The following NPC1L1 variants were observed in gnomAD, a reference collection of about 807,000 sequenced individuals.
NPC1L1 encodes the protein NPC1-like intracellular cholesterol transporter 1.
A neutral mutation model predicts 117.0 loss-of-function variants in NPC1L1; 98 were observed. The ratio of observed to expected loss-of-function variants is 0.84; its 90% confidence interval spans 0.71 to 0.99. The LOEUF (loss-of-function observed/expected upper bound fraction) is 0.99, where lower values mean the gene tolerates loss of function less well. NPC1L1 is among the 50% of genes least tolerant of loss of function. The pLI, the probability that NPC1L1 is intolerant of heterozygous loss-of-function variation, is 0.00. For synonymous variants in NPC1L1, 729 were observed against 727.6 expected (o/e 1.00, Z -0.03); for missense variants, 1,540 against 1,710.0 (o/e 0.90, Z 1.75).
chr7:44,532,322 A>G (rs1462382091), intron 8 of NPC1L1, 105 bp from the exon 9 acceptor site: 1 of 1,369,794 alleles, frequency 7.3e-7, no homozygotes, highest in Non-Finnish European at 1.0e-6. Flanking sequence ...GGCCCGTGCC[A>G]GTGCCCTCAT....
chr7:44,539,821 A>G lies in NPC1L1; in HGVS notation c.576T>C (p.Tyr192=), dbSNP rs1357832364. Residue 192 remains tyrosine, a synonymous_variant, in exon 2 of 19, where the codon TAT becomes TAC. Transcript: ENST00000381160. The surrounding 1 kb of genome is among the most constrained non-coding windows in gnomAD (Gnocchi z 4.4). ...TLAVGTMCGV[Y]GSALCNAQRW... is the part of the protein sequence containing the mutation. ...GCTGGGCATTGCAAAGGGCAGAGCC[A>G]TACACGCCACACATGGTGCCCACAG... 2.5e-6 allele frequency: 4 copies of G among 1,614,136 alleles called. No individual in the cohort carries two copies. Among genetic ancestry groups the G allele is most frequent in the Non-Finnish European group, 3.4e-6 (4 of 1,180,034 alleles).
chr7:44,516,010 G>A, intron 17 of NPC1L1, 45 bp from the exon 18 acceptor site: 1 of 1,611,072 alleles, frequency 6.2e-7, no homozygotes, highest in South Asian at 1.1e-5. Context: ...CAGGGCATCA[G>A]GCAGGGCACA....
chr7:44,522,746 C>A (rs1451860620), intron 10 of NPC1L1, among the ~76,000 whole-genome samples: 1 of 152,122 alleles, frequency 6.6e-6, no homozygotes, highest in Non-Finnish European at 1.5e-5. Flanking sequence ...CAGAGCAACA[C>A]CTATCACCTC....
chr7:44,539,246 G>A lies in NPC1L1; in HGVS notation c.1151C>T (p.Ser384Leu), dbSNP rs201432207. The A allele has an allele frequency of 3.2e-5, 51 of 1,614,030 alleles. No individual in the cohort carries two copies. Among genetic ancestry groups the A allele is most frequent in the East Asian group, 1.3e-4 (6 of 44,872 alleles). ...ACTCCGGGCTTGGCTGTTGGGGGCC[G>A]ACCACAGCTCCACGGGGTCCGTAGT... ...ELTTDPVELW[S>L]APNSQARSEK... The change falls in exon 2 of 19, where the codon TCG (serine) becomes TTG (leucine). Residue 384 changes from serine (S) to leucine (L), a missense_variant. This residue lies in a region of NPC1L1 where 793 missense variants were observed against 820.4 expected (regional missense o/e 0.97). Transcript: ENST00000381160. This position sits in a 1 kb window ranked among gnomAD's most constrained non-coding sequence, Gnocchi z 4.4.
At chr7:44,537,027 AC>A in intron 2 of NPC1L1, 85 bp from the exon 3 acceptor site, 1 of 1,078,960 alleles carries the variant, frequency 9.3e-7, no homozygotes, top group Non-Finnish European at 1.4e-6. Context: ...CCCACCCCAG[AC>A]CCACAGCACT....
intron 12 of NPC1L1, 136 bp from the exon 13 acceptor site, chr7:44,521,254 A>G (rs1447882889): frequency 3.4e-6 from 4 of 1,181,700 alleles, no homozygotes; most frequent in Non-Finnish European, 4.9e-6. Flanking sequence ...GGGGATTTGC[A>G]TTTGTCATTT....
In NPC1L1 at chr7:44,533,864, A is replaced by ACAG. The variant is rs1801780850; in HGVS notation, c.2167-14_2167-12dup. The ACAG allele has an allele frequency of 6.2e-7, 1 of 1,604,770 alleles. No homozygotes were observed. Among genetic ancestry groups the ACAG allele is most frequent in the Non-Finnish European group, 8.5e-7 (1 of 1,175,606 alleles). On this transcript the variant is annotated splice_polypyrimidine_tract_variant and intron_variant, in intron 6 of 18. Transcript: ENST00000381160. Reference sequence around the variant, plus strand: ...CCTCCGGGGCAGCCTCTGTGTGGGAACAGCAGGGATAAGAGCCAGGGCCCT... The same window carrying ACAG: ...CCTCCGGGGCAGCCTCTGTGTGGGAACAGCAGCAGGGATAAGAGCCAGGGCCCT...
intron 8 of NPC1L1, 92 bp downstream of exon 8, chr7:44,533,339 G>A: frequency 6.6e-7 from 1 of 1,514,028 alleles, no homozygotes; most frequent in African/African-American, 1.4e-5. Context: ...CCCATTCTCT[G>A]GGCCATCTCT....
chr7:44,526,997 C>T (rs1355683130), intron 10 of NPC1L1, among the ~76,000 whole-genome samples: 1 of 151,924 alleles, frequency 6.6e-6, no homozygotes, highest in African/African-American at 2.4e-5. Context: ...GTACTCCAGC[C>T]TGGGCGACAA....
intron 10 of NPC1L1, 87 bp from the exon 11 acceptor site, chr7:44,522,329 A>C (rs1195433291): frequency 7.9e-7 from 1 of 1,267,542 alleles, no homozygotes; most frequent in Non-Finnish European, 1.1e-6. Context: ...GAAGGTACAC[A>C]CAGAGGTACA....
intron 5 of NPC1L1, among the ~76,000 whole-genome samples, chr7:44,535,083 C>CA (rs1209671551): frequency 3.3e-5 from 5 of 151,350 alleles, no homozygotes; most frequent in Non-Finnish European, 5.9e-5. Context: ...AACTACAAAA[C>CA]AAAAAAAATG....
At chr7:44,519,176 G>A (rs1441482351) in intron 14 of NPC1L1, among the ~76,000 whole-genome samples, 1 of 152,212 alleles carries the variant, frequency 6.6e-6, no homozygotes, top group South Asian at 2.1e-4. Flanking sequence ...TTATAGGCGT[G>A]AGCTGCAGCA....
intron 1 of NPC1L1, 50 bp downstream of exon 1, chr7:44,541,156 G>T (rs776025493): frequency 6.5e-7 from 1 of 1,537,406 alleles, no homozygotes; most frequent in Non-Finnish European, 8.8e-7. Context: ...TGGCCCCAGG[G>T]TCCCTAACTG....
Position 44,538,267 on chromosome 7 carries a change from G to A in NPC1L1, c.1580+550C>T, listed in dbSNP as rs1801960769. 6.6e-6 allele frequency among the ~76,000 whole-genome samples: 1 copy of A among 152,200 alleles called. No homozygotes were observed. The highest frequency in any genetic ancestry group is 2.1e-4 in the South Asian group (1 of 4,836). On this transcript the variant is annotated intron_variant, in intron 2 of 18. Coordinates refer to ENST00000381160, the MANE Select transcript of NPC1L1 (RefSeq NM_001101648.2). The surrounding 1 kb of genome is among the most constrained non-coding windows in gnomAD (Gnocchi z 5.9). ...CATCTTGTTGGCAGCACACCAGAGT[G>A]GACAGAACCAAAGACCGAACCCCAA...
At chr7:44,529,214 G>A (rs1253163952) in intron 10 of NPC1L1, among the ~76,000 whole-genome samples, 1 of 148,942 alleles carries the variant, frequency 6.7e-6, no homozygotes, top group Non-Finnish European at 1.5e-5. Flanking sequence ...GCCCCCATCT[G>A]CTAAAAAACA....
chr7:44,531,118 C>A (rs7798185), intron 10 of NPC1L1, among the ~76,000 whole-genome samples: 18,950 of 152,234 alleles, frequency 0.12, 1,562 homozygotes, highest in Non-Finnish European at 0.18. Context: ...GGCCACCAGC[C>A]CATGGCCACC....
chr7:44,534,397 T>G lies in NPC1L1; in HGVS notation c.2166+50A>C, dbSNP rs375238755. ...AGTCCCATCAGGCCAGGAGGTGAGGTTGGGAGAAGAGTGGGCAGTTGGGGG... is the reference window on the plus strand; with the variant it reads ...AGTCCCATCAGGCCAGGAGGTGAGGGTGGGAGAAGAGTGGGCAGTTGGGGG... On this transcript the variant is annotated intron_variant, in intron 6 of 18. Transcript: ENST00000381160. The surrounding 1 kb of genome is among the most constrained non-coding windows in gnomAD (Gnocchi z 5.2). The G allele has an allele frequency of 6.3e-7, 1 of 1,589,470 alleles. No homozygotes were observed. The highest frequency in any genetic ancestry group is 8.6e-7 in the Non-Finnish European group (1 of 1,157,872).
rs375885057 is a variant in NPC1L1 at position 44,539,950 on chromosome 7, T to C, written c.447A>G (p.Gln149=). The C allele has an allele frequency of 2.5e-5, 41 of 1,613,754 alleles. No individual in the cohort carries two copies. In the African/African-American group the frequency reaches 4.5e-4, roughly 18 times the overall value. ...VTRVAQLGAG[Q]LPAVVAYEAF... The stretch of plus-strand genomic sequence containing the variant: ...CCTCATAGGCCACCACAGCTGGGAG[T>C]TGTCCAGCCCCTAGCTGGGCCACGC... Residue 149 remains glutamine (Q), a synonymous_variant, in exon 2 of 19, where the codon CAA becomes CAG. Transcript: ENST00000381160. The surrounding 1 kb of genome is among the most constrained non-coding windows in gnomAD (Gnocchi z 4.4).
chr7:44,521,193 A>G (rs1320651726), intron 12 of NPC1L1, 75 bp from the exon 13 acceptor site: 20 of 1,602,624 alleles, frequency 1.2e-5, no homozygotes, highest in Non-Finnish European at 1.7e-5. Context: ...TCCTTCCCCA[A>G]CAATCCCATC....
Sources: allele counts gnomAD v4.1 joint callset (sites outside exome capture counted in the v4.1 genomes callset), GRCh38; gene constraint gnomAD v4.1.1; regional missense constraint gnomAD v4.1.1; non-coding constraint Gnocchi (gnomAD v3.1); transcripts MANE v1.5; gene names NCBI Gene and HGNC (gene_info 2026-07-23, HGNC 2026-07-21).